CCSER1: variants seen among roughly 807,000 people sequenced by gnomAD.
The protein encoded by CCSER1 is coiled-coil serine rich protein 1.
In CCSER1, 41 loss-of-function variants were observed where a neutral mutation model predicts 82.0. The ratio of observed to expected loss-of-function variants is 0.50; its 90% CI spans 0.39 to 0.65. The LOEUF (loss-of-function observed/expected upper bound fraction) is 0.65. Among genes scored for constraint, CCSER1 ranks in the 30% least tolerant of loss-of-function variants. CCSER1 has a pLI of 0.00. For synonymous variants in CCSER1, 414 were observed against 383.9 expected (o/e 1.08, Z -0.92); for missense variants, 1,119 against 1,064.2 (o/e 1.05, Z -0.72).
intron 10 of CCSER1, among the ~76,000 whole-genome samples, chr4:91,335,002 A>G (rs1747223608): frequency 1.3e-5 from 2 of 151,126 alleles, no homozygotes; most frequent in African/African-American, 4.9e-5. Flanking sequence ...AAGCTTTTAA[A>G]TGTTTTTTTT....
intron 9 of CCSER1, among the ~76,000 whole-genome samples, chr4:91,069,578 T>C (rs1721211896): frequency 6.6e-6 from 1 of 152,208 alleles, no homozygotes; most frequent in Non-Finnish European, 1.5e-5. Flanking sequence ...TCATGGACTT[T>C]ACGTTCTGGT....
At chr4:91,092,199 A>G (rs1316652444) in intron 10 of CCSER1, among the ~76,000 whole-genome samples, 1 of 152,182 alleles carries the variant, frequency 6.6e-6, no homozygotes, top group East Asian at 1.9e-4. Context: ...GGCGGCATGT[A>G]GCTTCCAAGT....
chr4:91,448,554 G>C (rs988011188), intron 10 of CCSER1, among the ~76,000 whole-genome samples: 10 of 152,018 alleles, frequency 6.6e-5, no homozygotes, highest in Non-Finnish European at 1.5e-5. Context: ...TGAGTGTTAA[G>C]AGTGTTTCTA....
Position 90,327,984 on chromosome 4 carries a change from C to A in CCSER1, c.1509+14937C>A, listed in dbSNP as rs192891619. ...CTGTGGTTATTCTCATTCTTCTTTG[C>A]TCTTTTCAGATTCCTTTGGAGGCTT... is the stretch of plus-strand genomic sequence containing the variant. On this transcript the variant is annotated intron_variant, in intron 3 of 10. Coordinates refer to ENST00000509176, the MANE Select transcript of CCSER1 (RefSeq NM_001145065.2). Among the ~76,000 whole-genome samples, 417 of 152,228 alleles carry A rather than the reference C, an allele frequency of 2.7e-3. 3 individuals carry two copies. In the Middle Eastern group the frequency reaches 0.044, roughly 16 times the overall value.
At chr4:91,355,110 A>G (rs765370731) in intron 10 of CCSER1, among the ~76,000 whole-genome samples, 1 of 152,168 alleles carries the variant, frequency 6.6e-6, no homozygotes, top group Non-Finnish European at 1.5e-5. Flanking sequence ...GAGCCAAACA[A>G]GATCTTTTTT....
intron 8 of CCSER1, among the ~76,000 whole-genome samples, chr4:90,828,591 T>C (rs1760770790): frequency 6.6e-6 from 1 of 152,198 alleles, no homozygotes; most frequent in Non-Finnish European, 1.5e-5. Context: ...TTATAGTTTC[T>C]GTAAGGAATA....
intron 7 of CCSER1, among the ~76,000 whole-genome samples, chr4:90,800,983 A>G (rs1272188345): frequency 1.3e-5 from 2 of 151,378 alleles, no homozygotes; most frequent in African/African-American, 4.9e-5. Flanking sequence ...TGTATAATCG[A>G]AAAAAATCAG....
intron 8 of CCSER1, among the ~76,000 whole-genome samples, chr4:90,893,091 G>A (rs562852005): frequency 1.3e-5 from 2 of 152,094 alleles, no homozygotes; most frequent in South Asian, 4.1e-4. Context: ...TGGCTTTTTG[G>A]TGTTGGAGAA....
intron 10 of CCSER1, among the ~76,000 whole-genome samples, chr4:91,186,490 C>T (rs769153603): frequency 1.1e-4 from 16 of 152,154 alleles, no homozygotes; most frequent in Non-Finnish European, 1.3e-4. Context: ...GACCTGGATT[C>T]GAGCCCCCGT....
intron 1 of CCSER1, among the ~76,000 whole-genome samples, chr4:90,233,582 C>A (rs921392810): frequency 3.3e-5 from 5 of 151,474 alleles, no homozygotes; most frequent in African/African-American, 1.2e-4. Flanking sequence ...ATGTAACTAA[C>A]CTGCACATTG....
At chr4:90,857,613 A>G (rs1248678884) in intron 8 of CCSER1, among the ~76,000 whole-genome samples, 1 of 152,080 alleles carries the variant, frequency 6.6e-6, no homozygotes, top group East Asian at 1.9e-4. Flanking sequence ...GCTACCTACC[A>G]CATCAGCCAC....
At chr4:90,361,446 A>C (rs1373359420) in intron 3 of CCSER1, among the ~76,000 whole-genome samples, 1 of 152,216 alleles carries the variant, frequency 6.6e-6, no homozygotes, top group African/African-American at 2.4e-5. Flanking sequence ...ATTATGTCCA[A>C]ATTGGACAAG....
chr4:91,139,265 T>G (rs940886625), intron 10 of CCSER1, among the ~76,000 whole-genome samples: 1 of 138,710 alleles, frequency 7.2e-6, no homozygotes, highest in Non-Finnish European at 1.5e-5. Flanking sequence ...ATGTACCACA[T>G]TTTTTTTTTA....
chr4:91,018,191 A>G (rs1490434514), intron 9 of CCSER1, among the ~76,000 whole-genome samples: 2 of 152,090 alleles, frequency 1.3e-5, no homozygotes, highest in African/African-American at 4.8e-5. Context: ...TCAGTACTCT[A>G]CCACAAGCTT....
chr4:91,410,297 A>G (rs1752946488), intron 10 of CCSER1, among the ~76,000 whole-genome samples: 3 of 152,062 alleles, frequency 2.0e-5, no homozygotes, highest in Admixed American at 2.0e-4. Context: ...TTAAAATACT[A>G]AATACTGTCT....
intron 10 of CCSER1, among the ~76,000 whole-genome samples, chr4:91,373,326 A>AC (rs1190707062): frequency 6.6e-6 from 1 of 151,740 alleles, no homozygotes; most frequent in African/African-American, 2.4e-5. Flanking sequence ...GTTTGTATCA[A>AC]CCCCGCCTCG....
At chr4:90,244,373 G>A (rs1218987565) in intron 1 of CCSER1, among the ~76,000 whole-genome samples, 1 of 152,176 alleles carries the variant, frequency 6.6e-6, no homozygotes, top group African/African-American at 2.4e-5. Context: ...AAATGGTCCA[G>A]CATTAGAAAC....
At chr4:90,743,341 G>C (rs1746872057) in intron 7 of CCSER1, among the ~76,000 whole-genome samples, 1 of 152,124 alleles carries the variant, frequency 6.6e-6, no homozygotes, top group Non-Finnish European at 1.5e-5. Context: ...GATATAATTT[G>C]AATATTCTGA....
At chr4:90,739,603 T>C (rs895516752) in intron 7 of CCSER1, among the ~76,000 whole-genome samples, 11 of 152,190 alleles carry the variant, frequency 7.2e-5, no homozygotes, top group African/African-American at 2.7e-4. Flanking sequence ...CTCTTTAGCC[T>C]GTGGTAGTGG....
Sources: allele counts gnomAD v4.1 joint callset (sites outside exome capture counted in the v4.1 genomes callset), GRCh38; gene constraint gnomAD v4.1.1; transcripts MANE v1.5; gene names NCBI Gene and HGNC (gene_info 2026-07-23, HGNC 2026-07-21).